Variants in AGAP3 observed in about 807,000 individuals in gnomAD.
AGAP3 encodes the protein ArfGAP with GTPase domain, ankyrin repeat and PH domain 3.
In AGAP3, 24 loss-of-function variants were observed where a neutral mutation model predicts 96.9. The observed-to-expected ratio is 0.25, with a 90% confidence interval of 0.18 to 0.35. The LOEUF is 0.35. Ranked by LOEUF, AGAP3 falls within the 10% of genes least tolerant of loss-of-function variation. AGAP3 has a pLI of 1.00. For missense variants in AGAP3, 876 were observed against 1,254.2 expected (o/e 0.70, Z 4.55); for synonymous variants, 563 against 536.1 (o/e 1.05, Z -0.69).
At chr7:151,135,963 A>T (rs572574747) in intron 11 of AGAP3, among the ~76,000 whole-genome samples, 4 of 152,162 alleles carry the variant, frequency 2.6e-5, no homozygotes, top group Non-Finnish European at 5.9e-5. Context: ...AGGTGGATGG[A>T]GGGAAGGAAG....
At chr7:151,112,324 T>C (rs1342664594) in intron 1 of AGAP3, 1 of 152,184 alleles carries the variant, frequency 6.6e-6, no homozygotes, top group Non-Finnish European at 1.5e-5. Context: ...GCAGGTGCAG[T>C]GGGACTACAT....
intron 10 of AGAP3, 67 bp from the exon 11 acceptor site, chr7:151,134,333 G>A: frequency 6.4e-7 from 1 of 1,566,926 alleles, no homozygotes; most frequent in Non-Finnish European, 8.8e-7. Context: ...CCTAGGAGTT[G>A]CAAGGCTCAA....
intron 10 of AGAP3, among the ~76,000 whole-genome samples, chr7:151,131,448 T>C (rs2150515594): frequency 6.6e-6 from 1 of 152,178 alleles, no homozygotes; most frequent in East Asian, 1.9e-4. Context: ...TGTTTGATGG[T>C]GGGTAATAAA....
intron 1 of AGAP3, among the ~76,000 whole-genome samples, chr7:151,093,025 A>G (rs1419528252): frequency 1.3e-5 from 2 of 152,170 alleles, no homozygotes; most frequent in Non-Finnish European, 2.9e-5. Flanking sequence ...ACTGAATTGA[A>G]TGGTGGCTCT....
At position 151,114,238 on chromosome 7, in the gene AGAP3, C is replaced by G. The variant is rs1799426774; in HGVS notation, c.332-2555C>G. On this transcript the variant is annotated intron_variant, in intron 1 of 17. Transcript: ENST00000397238. The surrounding 1 kb of genome is among the most constrained non-coding windows in gnomAD (Gnocchi z 4.4). ...CTCGTTGAAGCTCGCGTGCTGCAGA[C>G]GAGGACACGCGCGCAGACCCGGCAT... Among the ~76,000 whole-genome samples, 1 of 152,252 alleles carries G rather than the reference C, an allele frequency of 6.6e-6. No individual in the cohort carries two copies. Among genetic ancestry groups the G allele is most frequent in the Admixed American group, 6.5e-5 (1 of 15,292 alleles).
chr7:151,134,664 AG>A, intron 11 of AGAP3, 96 bp downstream of exon 11: 1 of 1,287,424 alleles, frequency 7.8e-7, no homozygotes, highest in Non-Finnish European at 1.1e-6. Flanking sequence ...GCCTGGGCAC[AG>A]GGTGCTGGCC....
intron 8 of AGAP3, 125 bp downstream of exon 8, chr7:151,120,270 C>A: frequency 9.7e-7 from 1 of 1,031,750 alleles, no homozygotes; most frequent in South Asian, 1.6e-5. Flanking sequence ...GCAGTCTCTC[C>A]CTCAGATACA....
rs759511060 is a variant in AGAP3 at position 151,115,114 on chromosome 7, G to C, written c.332-1679G>C. 10 of 1,034,346 alleles carry C rather than the reference G, an allele frequency of 9.7e-6. No homozygotes were observed. In the South Asian group the frequency reaches 2.7e-4, roughly 27 times the overall value. The allele number at this position is 1,034,346 out of a possible 1,614,324, so 64.1% of individuals were successfully genotyped here. On this transcript the variant is annotated intron_variant, in intron 1 of 17. Coordinates refer to ENST00000397238, the MANE Select transcript of AGAP3 (RefSeq NM_031946.7). ...GCGCCGACCCGGCGCAGCCGCACCC[G>C]CGGGGAGCCGACTCCGCGGCCCCGG...
intron 10 of AGAP3, among the ~76,000 whole-genome samples, chr7:151,132,134 G>GGCCTGCAGCCCAGC (rs1563512287): frequency 6.6e-6 from 1 of 152,064 alleles, no homozygotes; most frequent in African/African-American, 2.4e-5. Context: ...TGCAGCCCAG[G>GGCCTGCAGCCCAGC]GTGCTGGAGA....
intron 1 of AGAP3, among the ~76,000 whole-genome samples, chr7:151,102,635 G>C (rs1055317308): frequency 6.6e-6 from 1 of 151,226 alleles, no homozygotes; most frequent in Non-Finnish European, 1.5e-5. Flanking sequence ...TTTTGAGACA[G>C]GGTCTCGCTC....
At chr7:151,120,665 A>C in intron 8 of AGAP3, 1 of 1,277,172 alleles carries the variant, frequency 7.8e-7, no homozygotes, top group South Asian at 1.3e-5. Flanking sequence ...CATGCTTTCC[A>C]CCCACCGCTG....
At chr7:151,086,126 G>C (rs887013558), upstream of AGAP3, 1 of 152,376 alleles carries the variant, frequency 6.6e-6, no homozygotes, top group Non-Finnish European at 1.5e-5. Context: ...ACCCCGCCCA[G>C]ATCAGCGCAG....
intron 1 of AGAP3, among the ~76,000 whole-genome samples, chr7:151,098,697 T>C (rs1046657598): frequency 1.3e-5 from 2 of 151,166 alleles, no homozygotes; most frequent in Non-Finnish European, 2.9e-5. Context: ...AAAAATTGAA[T>C]ACTGAAGTGT....
At position 151,141,567 on chromosome 7, in the gene AGAP3, T is replaced by TA. The variant is rs1800813531; in HGVS notation, c.1805-330dup. 3 of 344,634 alleles carry TA rather than the reference T, an allele frequency of 8.7e-6. No homozygotes were observed. In the South Asian group the frequency reaches 9.7e-5, roughly 11 times the overall value. The allele number at this position is 344,634 out of a possible 1,614,324, so 21.3% of individuals were successfully genotyped here. A position where few individuals can be genotyped will look rare whatever the true frequency, so the allele number is the denominator to read the frequency against. ...GCACCCCGTCACATCCTTCTCCAGATACTCAGCTCTTTCTGTGGGATGCAC... is the reference window on the plus strand; with the variant it reads ...GCACCCCGTCACATCCTTCTCCAGATAACTCAGCTCTTTCTGTGGGATGCAC... On this transcript the variant is annotated intron_variant, in intron 13 of 17. Transcript: ENST00000397238. This position sits in a 1 kb window ranked among gnomAD's most constrained non-coding sequence, Gnocchi z 4.2.
chr7:151,113,139 C>G (rs566442162), intron 1 of AGAP3, among the ~76,000 whole-genome samples: 9 of 152,268 alleles, frequency 5.9e-5, no homozygotes, highest in Admixed American at 3.3e-4. Context: ...AGGGCAGATA[C>G]ACGTAGATAG....
rs1011694443 is a variant in AGAP3 at position 151,139,081 on chromosome 7, C to T, written c.1666+768C>T. On this transcript the variant is annotated intron_variant, in intron 12 of 17. Transcript: ENST00000397238. This position sits in a 1 kb window ranked among gnomAD's most constrained non-coding sequence, Gnocchi z 4.9. ...AAAAGGGCATGGAGCCAGCTCTCCTCTCCTGTCCCTTGCGCTTTCCATGCC... is the reference window on the plus strand; with the variant it reads ...AAAAGGGCATGGAGCCAGCTCTCCTTTCCTGTCCCTTGCGCTTTCCATGCC... Among the ~76,000 whole-genome samples, 4 of 152,248 alleles carry T rather than the reference C, an allele frequency of 2.6e-5. No homozygotes were observed. The highest frequency in any genetic ancestry group is 7.2e-5 in the African/African-American group (3 of 41,460).
At chr7:151,135,180 G>A (rs893241967) in intron 11 of AGAP3, among the ~76,000 whole-genome samples, 3 of 152,172 alleles carry the variant, frequency 2.0e-5, no homozygotes, top group Non-Finnish European at 2.9e-5. Flanking sequence ...CAGGCCCCAT[G>A]CTCTTCCAGG....
intron 11 of AGAP3, among the ~76,000 whole-genome samples, chr7:151,136,931 A>G (rs1269914836): frequency 6.6e-6 from 1 of 152,214 alleles, no homozygotes; most frequent in African/African-American, 2.4e-5. Context: ...GGCAGCCTCT[A>G]CATGTTTCTT....
In AGAP3 at chr7:151,108,592, G is replaced by C. The variant is rs1226551228; in HGVS notation, c.332-8201G>C. ...AGAGCAGCCTTCGGAGGGTCCCAAG[G>C]ATGTAGGCTGGGTCCTACGCCAGTC... On this transcript the variant is annotated intron_variant, in intron 1 of 17. Transcript: ENST00000397238. This position sits in a 1 kb window ranked among gnomAD's most constrained non-coding sequence, Gnocchi z 4.2. Among the ~76,000 whole-genome samples, 1 of 152,220 alleles carries C rather than the reference G, an allele frequency of 6.6e-6. No homozygotes were observed. Among genetic ancestry groups the C allele is most frequent in the Non-Finnish European group, 1.5e-5 (1 of 68,038 alleles).
Sources: allele counts gnomAD v4.1 joint callset (sites outside exome capture counted in the v4.1 genomes callset), GRCh38; gene constraint gnomAD v4.1.1; non-coding constraint Gnocchi (gnomAD v3.1); transcripts MANE v1.5; gene names NCBI Gene and HGNC (gene_info 2026-07-23, HGNC 2026-07-21).